Variants in ITPR1 observed in about 807,000 individuals in gnomAD.
The protein encoded by ITPR1 is inositol 1,4,5-trisphosphate receptor type 1.
A neutral mutation model predicts 318.4 loss-of-function variants in ITPR1; 96 were observed. That is an observed-to-expected ratio of 0.30 (90% CI 0.26 to 0.36). The LOEUF is 0.36. Among genes scored for constraint, ITPR1 ranks in the 10% least tolerant of loss-of-function variants. The pLI, the probability that ITPR1 is intolerant of heterozygous loss-of-function variation, is 1.00. For missense variants in ITPR1, 2,440 were observed against 3,460.2 expected, an observed-to-expected ratio of 0.71 and a Z score of 7.40; for synonymous variants, 1,312 against 1,289.9, an observed-to-expected ratio of 1.02 and a Z score of -0.37.
intron 40 of ITPR1, 22 bp from the exon 41 acceptor site, chr3:4,725,524 A>T (rs1301746010): frequency 3.8e-6 from 6 of 1,595,562 alleles, no homozygotes; most frequent in Non-Finnish European, 5.1e-6. Flanking sequence ...TGACTAACGT[A>T]CTTCGTTTTA....
intron 2 of ITPR1, among the ~76,000 whole-genome samples, chr3:4,495,620 T>A (rs1357772921): frequency 6.6e-6 from 1 of 152,226 alleles, no homozygotes; most frequent in Non-Finnish European, 1.5e-5. Flanking sequence ...CAGACTCTTT[T>A]CTAACTGGTT....
chr3:4,832,724 G>C (rs1406026600), intron 60 of ITPR1, among the ~76,000 whole-genome samples: 3 of 152,196 alleles, frequency 2.0e-5, no homozygotes, highest in African/African-American at 7.2e-5. Flanking sequence ...GATTAAAATG[G>C]ATATTGTACA....
At chr3:4,683,290 T>A in intron 26 of ITPR1, 96 bp from the exon 27 acceptor site, 3 of 1,206,126 alleles carry the variant, frequency 2.5e-6, no homozygotes, top group South Asian at 2.4e-5. Flanking sequence ...ATCACAGTGC[T>A]AGAAATGCAA....
chr3:4,528,203 G>T (rs1008085689), intron 4 of ITPR1, among the ~76,000 whole-genome samples: 7 of 152,216 alleles, frequency 4.6e-5, no homozygotes, highest in Non-Finnish European at 8.8e-5. Context: ...GTTAAATTGG[G>T]TTTTTCCAAG....
At chr3:4,528,342 T>C (rs1268697481) in intron 4 of ITPR1, among the ~76,000 whole-genome samples, 1 of 152,176 alleles carries the variant, frequency 6.6e-6, no homozygotes, top group Non-Finnish European at 1.5e-5. Flanking sequence ...GATAGATGAG[T>C]GCTGGTAATA....
At chr3:4,591,460 G>A (rs1456020093) in intron 4 of ITPR1, among the ~76,000 whole-genome samples, 1 of 152,118 alleles carries the variant, frequency 6.6e-6, no homozygotes, top group Non-Finnish European at 1.5e-5. Context: ...GTTTTGATCT[G>A]CATTTCTCTA....
At chr3:4,793,031 A>G (rs1426225968) in intron 52 of ITPR1, among the ~76,000 whole-genome samples, 2 of 152,190 alleles carry the variant, frequency 1.3e-5, no homozygotes, top group African/African-American at 2.4e-5. Flanking sequence ...AAAGGTAGAT[A>G]GGGACATAGT....
chr3:4,722,560 G>A (rs189492271), intron 40 of ITPR1, among the ~76,000 whole-genome samples: 210 of 152,206 alleles, frequency 1.4e-3, no homozygotes, highest in African/African-American at 4.8e-3. Flanking sequence ...TATTTATACA[G>A]ATCTTATTTG....
chr3:4,804,788 G>A (rs2048454324), intron 54 of ITPR1, among the ~76,000 whole-genome samples: 1 of 152,214 alleles, frequency 6.6e-6, no homozygotes, highest in African/African-American at 2.4e-5. Context: ...TGCTTAGCCT[G>A]TCTGAGAAAG....
At chr3:4,567,642 G>A (rs1458488868) in intron 4 of ITPR1, among the ~76,000 whole-genome samples, 2 of 151,884 alleles carry the variant, frequency 1.3e-5, no homozygotes, top group Non-Finnish European at 2.9e-5. Flanking sequence ...GTCTTACTCT[G>A]CCACCCAGGC....
At chr3:4,661,184 T>C in intron 14 of ITPR1, 97 bp downstream of exon 14, 2 of 681,456 alleles carry the variant, frequency 2.9e-6, no homozygotes, top group Non-Finnish European at 5.1e-6. Context: ...CGTGGAGATT[T>C]GTTGCTTTGG....
intron 7 of ITPR1, among the ~76,000 whole-genome samples, chr3:4,642,692 T>C (rs1477261216): frequency 6.6e-6 from 1 of 152,202 alleles, no homozygotes; most frequent in Non-Finnish European, 1.5e-5. Flanking sequence ...TGTTGCTGTG[T>C]CGAGAAGCCG....
chr3:4,501,568 T>C (rs2081024060), intron 2 of ITPR1, among the ~76,000 whole-genome samples: 1 of 152,246 alleles, frequency 6.6e-6, no homozygotes, highest in Non-Finnish European at 1.5e-5. Flanking sequence ...TGTCATTTAG[T>C]GGTTCCTTTG....
rs148070806 is a variant in ITPR1, at chr3:4,847,036, CCAAT to C, written c.*814_*817del. The C allele has an allele frequency of 6.6e-6, 1 of 152,576 alleles. No individual in the cohort carries two copies. The highest frequency in any genetic ancestry group is 1.5e-5 in the Non-Finnish European group (1 of 68,022). 9.5% of individuals were successfully genotyped at this position (152,576 alleles called of 1,614,324 possible). On this transcript the variant is annotated 3_prime_UTR_variant, in exon 62 of 62. Coordinates refer to ENST00000649015, the MANE Select transcript of ITPR1 (RefSeq NM_001378452.1). ...GTTCAGGATAAATGCATACTGCTGG[CCAAT>C]CAGTGTCATCTCCTGGGTAAATTTT...
intron 4 of ITPR1, among the ~76,000 whole-genome samples, chr3:4,605,302 A>G (rs905977909): frequency 6.6e-6 from 1 of 152,166 alleles, no homozygotes; most frequent in East Asian, 1.9e-4. Flanking sequence ...TGTCCTGGTC[A>G]TGAAAGACAG....
At chr3:4,653,154 A>C (rs2093634277) in intron 11 of ITPR1, among the ~76,000 whole-genome samples, 1 of 152,170 alleles carries the variant, frequency 6.6e-6, no homozygotes. Context: ...TATTTCTATC[A>C]GATTCTAGTC....
chr3:4,738,160 G>A (rs1210146560), intron 44 of ITPR1, among the ~76,000 whole-genome samples: 1 of 151,972 alleles, frequency 6.6e-6, no homozygotes, highest in Non-Finnish European at 1.5e-5. Context: ...AAACCCCAGT[G>A]ACACAAGCTT....
At chr3:4,815,648 A>G (rs1042702355) in intron 59 of ITPR1, among the ~76,000 whole-genome samples, 1 of 152,186 alleles carries the variant, frequency 6.6e-6, no homozygotes, top group Non-Finnish European at 1.5e-5. Flanking sequence ...AAAGAGGTGC[A>G]TGGACACCAA....
rs113919225 is a variant in ITPR1 at position 4,814,364 on chromosome 3, A to G, written c.7562-59A>G. 5,797 of 1,583,604 alleles carry G rather than the reference A, an allele frequency of 3.7e-3. 158 individuals carry two copies. In the African/African-American group the frequency reaches 0.065, roughly 18 times the overall value. On this transcript the variant is annotated intron_variant, in intron 57 of 61. Transcript: ENST00000649015. ...GGCATTCAGGAAACAGGATTTCAAA[A>G]TCCCGGTCTCTCTTTTCTCCTCACG...
Sources: allele counts gnomAD v4.1 joint callset (sites outside exome capture counted in the v4.1 genomes callset), GRCh38; gene constraint gnomAD v4.1.1; transcripts MANE v1.5; gene names NCBI Gene and HGNC (gene_info 2026-07-23, HGNC 2026-07-21).